Variants in RBMS3 observed in about 807,000 individuals in gnomAD.
RBMS3 encodes RNA binding motif single stranded interacting protein 3.
A neutral mutation model predicts 66.8 loss-of-function variants in RBMS3; 27 were observed. The ratio of observed to expected loss-of-function variants is 0.40; its 90% CI spans 0.30 to 0.56. The LOEUF is 0.56. Ranked by LOEUF, RBMS3 falls within the 20% of genes least tolerant of loss-of-function variation. The probability of loss-of-function intolerance (pLI) is 0.40; values close to 1 mark genes in which losing one functional copy is unlikely to be tolerated. For missense variants in RBMS3, 513 were observed against 549.5 expected (o/e 0.93, Z 0.66); for synonymous variants, 188 against 183.0 (o/e 1.03, Z -0.22).
intron 1 of RBMS3, among the ~76,000 whole-genome samples, chr3:29,380,212 T>TCACA (rs10584637): frequency 0.19 from 28,050 of 149,152 alleles, 2,822 homozygotes; most frequent in Non-Finnish European, 0.23. Flanking sequence ...TAGGGGAATC[T>TCACA]CACACACACA....
intron 3 of RBMS3, among the ~76,000 whole-genome samples, chr3:29,538,792 C>A (rs937399620): frequency 2.0e-5 from 3 of 152,176 alleles, no homozygotes; most frequent in African/African-American, 7.2e-5. Context: ...TCAAGCCAAC[C>A]TGGATTCATA....
intron 6 of RBMS3, among the ~76,000 whole-genome samples, chr3:29,847,817 G>C (rs372397274): frequency 6.6e-6 from 1 of 151,982 alleles, no homozygotes; most frequent in African/African-American, 2.4e-5. Context: ...CGTCACGCCC[G>C]GCTAATTTTC....
chr3:29,289,460 G>C (rs1416265103), intron 1 of RBMS3, among the ~76,000 whole-genome samples: 1 of 151,826 alleles, frequency 6.6e-6, no homozygotes, highest in Non-Finnish European at 1.5e-5. Context: ...TTATGTTGTA[G>C]AATATTTAGT....
intron 1 of RBMS3, among the ~76,000 whole-genome samples, chr3:29,343,001 A>G (rs916200788): frequency 6.6e-6 from 1 of 152,190 alleles, no homozygotes; most frequent in African/African-American, 2.4e-5. Flanking sequence ...CTATTAGGAA[A>G]GAATTTTAGT....
At chr3:29,745,904 A>G (rs1350185521) in intron 5 of RBMS3, among the ~76,000 whole-genome samples, 1 of 152,008 alleles carries the variant, frequency 6.6e-6, no homozygotes, top group Non-Finnish European at 1.5e-5. Context: ...TAAGTAAAAA[A>G]AAAAAGATGG....
At chr3:29,770,472 G>A (rs377387826) in intron 6 of RBMS3, among the ~76,000 whole-genome samples, 2 of 151,830 alleles carry the variant, frequency 1.3e-5, no homozygotes, top group African/African-American at 4.8e-5. Context: ...AATGTGTCTG[G>A]AGTTTCCATT....
At chr3:29,286,374 T>A (rs2125414588) in intron 1 of RBMS3, among the ~76,000 whole-genome samples, 1 of 152,204 alleles carries the variant, frequency 6.6e-6, no homozygotes, top group African/African-American at 2.4e-5. Context: ...TTGCTATTTT[T>A]TTTCCATGAT....
intron 1 of RBMS3, among the ~76,000 whole-genome samples, chr3:29,284,396 G>T (rs1212843197): frequency 6.6e-6 from 1 of 152,028 alleles, no homozygotes; most frequent in African/African-American, 2.4e-5. Flanking sequence ...GATTTTAAAG[G>T]ATTGAAATGT....
At chr3:29,408,096 C>T (rs528929068) in intron 1 of RBMS3, among the ~76,000 whole-genome samples, 3 of 151,712 alleles carry the variant, frequency 2.0e-5, no homozygotes, top group Non-Finnish European at 2.9e-5. Context: ...CACGGTGAAA[C>T]CCCGTCTCTA....
chr3:29,987,718 C>T (rs1698526969), intron 12 of RBMS3, among the ~76,000 whole-genome samples: 1 of 151,882 alleles, frequency 6.6e-6, no homozygotes, highest in African/African-American at 2.4e-5. Context: ...ATATTACTAA[C>T]CATTTATATG....
intron 3 of RBMS3, among the ~76,000 whole-genome samples, chr3:29,545,829 A>G (rs914319588): frequency 6.6e-6 from 1 of 152,220 alleles, no homozygotes; most frequent in Non-Finnish European, 1.5e-5. Context: ...TGAGTTCTTC[A>G]GATTCCTAGA....
intron 6 of RBMS3, among the ~76,000 whole-genome samples, chr3:29,816,047 A>G (rs2057884919): frequency 6.6e-6 from 1 of 152,142 alleles, no homozygotes; most frequent in Non-Finnish European, 1.5e-5. Context: ...CTCAGTAAAC[A>G]TTAATTTTTA....
At chr3:29,955,207 C>T (rs1288850920) in intron 12 of RBMS3, among the ~76,000 whole-genome samples, 2 of 151,904 alleles carry the variant, frequency 1.3e-5, no homozygotes, top group Non-Finnish European at 2.9e-5. Context: ...GAAATATTGC[C>T]CTTCCTGCAG....
At chr3:29,881,661 C>T (rs2059739689) in intron 7 of RBMS3, among the ~76,000 whole-genome samples, 1 of 152,082 alleles carries the variant, frequency 6.6e-6, no homozygotes, top group South Asian at 2.1e-4. Flanking sequence ...TTTTCCTTAA[C>T]AAATGTGTGT....
At chr3:29,423,213 C>T (rs896698617) in intron 1 of RBMS3, among the ~76,000 whole-genome samples, 2 of 152,136 alleles carry the variant, frequency 1.3e-5, no homozygotes, top group African/African-American at 2.4e-5. Flanking sequence ...AGGCAGGCAG[C>T]TTGTCTGCCA....
At chr3:29,729,894 C>G (rs145266090) in intron 4 of RBMS3, among the ~76,000 whole-genome samples, 203 of 152,174 alleles carry the variant, frequency 1.3e-3, no homozygotes, top group African/African-American at 4.4e-3. Flanking sequence ...ATTATAACCT[C>G]AGCTTTCTCA....
chr3:29,655,935 G>T (rs1435763893), intron 4 of RBMS3, among the ~76,000 whole-genome samples: 2 of 110,842 alleles, frequency 1.8e-5, no homozygotes, highest in African/African-American at 7.0e-5. Flanking sequence ...TAACAAAACA[G>T]CTTAAAAAGC....
In RBMS3 at chr3:29,578,790, C is replaced by CTTTTTTTTTTTTTTTTTTTTT. The variant is rs1185861167; in HGVS notation, c.308-8322_308-8302dup. On this transcript the variant is annotated intron_variant, in intron 3 of 14. Coordinates refer to ENST00000383767, the MANE Select transcript of RBMS3 (RefSeq NM_001003793.3). The stretch of plus-strand genomic sequence containing the variant: ...AAAGAATCACAGGTAATACATGCTT[C>CTTTTTTTTTTTTTTTTTTTTT]TTTTTTTTTTTTTTTTTTTTTTGAG... Among the ~76,000 whole-genome samples the CTTTTTTTTTTTTTTTTTTTTT allele has an allele frequency of 2.9e-4, 29 of 101,062 alleles. 2 individuals are homozygous for CTTTTTTTTTTTTTTTTTTTTT. Among genetic ancestry groups the CTTTTTTTTTTTTTTTTTTTTT allele is most frequent in the African/African-American group, 8.2e-4 (18 of 22,046 alleles). The allele number at this position is 101,062 out of a possible 152,430, so 66.3% of individuals were successfully genotyped here. A position where few individuals can be genotyped will look rare whatever the true frequency, so the allele number is the denominator to read the frequency against.
Position 29,358,683 on chromosome 3 carries a change from G to C in RBMS3, c.76-76060G>C, listed in dbSNP as rs540757979. On this transcript the variant is annotated intron_variant, in intron 1 of 14. Transcript: ENST00000383767. The stretch of plus-strand genomic sequence containing the variant: ...TTGATTCTTCCTATCCATGAACATG[G>C]AATGTTCTTCCATTTTTTTGTGTCC... Among the ~76,000 whole-genome samples the C allele has an allele frequency of 1.7e-3, 259 of 152,302 alleles. 1 individual carries two copies. The highest frequency in any genetic ancestry group is 5.8e-3 in the African/African-American group (243 of 41,568).
Sources: gnomAD v4.1 joint callset for allele counts (sites outside exome capture counted in the v4.1 genomes callset) on GRCh38, gnomAD v4.1.1 for gene constraint, MANE v1.5 for transcripts, NCBI Gene and HGNC (gene_info 2026-07-23, HGNC 2026-07-21) for gene names.